Variants in AHI1 observed in about 807,000 individuals in gnomAD.
AHI1 encodes the protein Abelson helper integration site 1.
A neutral mutation model predicts 149.3 loss-of-function variants in AHI1; 123 were observed. The ratio of observed to expected loss-of-function variants is 0.82; its 90% CI spans 0.71 to 0.96. AHI1 has a LOEUF of 0.96. Ranked by LOEUF, AHI1 falls within the 40% of genes least tolerant of loss-of-function variation. The pLI is 0.00. For synonymous variants in AHI1, 475 were observed against 459.8 expected (o/e 1.03, Z -0.42); for missense variants, 1,439 against 1,422.7 (o/e 1.01, Z -0.18).
At chr6:135,302,742 T>C in intron 26 of AHI1, 1 of 1,284,912 alleles carries the variant, frequency 7.8e-7, no homozygotes, top group African/African-American at 1.5e-5. Context: ...CAGCACGTCA[T>C]ATAGGTAGTT....
chr6:135,295,980 G>A (rs972426896), intron 27 of AHI1, among the ~76,000 whole-genome samples: 1 of 152,128 alleles, frequency 6.6e-6, no homozygotes, highest in Admixed American at 6.5e-5. Flanking sequence ...AGCCTCCTGA[G>A]GAGCTGGGAT....
At chr6:135,316,356 G>A (rs1238355187) in intron 26 of AHI1, among the ~76,000 whole-genome samples, 1 of 152,046 alleles carries the variant, frequency 6.6e-6, no homozygotes, top group African/African-American at 2.4e-5. Flanking sequence ...ATTCTTCAAA[G>A]TGAAACTTTG....
chr6:135,300,519 C>T lies in AHI1; in HGVS notation c.3466G>A (p.Gly1156Ser). 1 of 1,608,878 alleles carries T rather than the reference C, an allele frequency of 6.2e-7. No individual in the cohort carries two copies. The highest frequency in any genetic ancestry group is 8.5e-7 in the Non-Finnish European group (1 of 1,177,596). Residue 1156 changes from glycine (G) to serine (S), a missense_variant, in exon 27 of 29, where the codon GGC becomes AGC. Coordinates refer to ENST00000265602, the MANE Select transcript of AHI1 (RefSeq NM_001134831.2). ...NKNKSQDFRL[G>S]SESMTHSEMR... ...GCTTACTGTGTCATAGATTCTGAGC[C>T]TAGTCTGAAGTCCTGGGACTTGTTC...
At chr6:135,378,994 C>T (rs1320116663) in intron 23 of AHI1, among the ~76,000 whole-genome samples, 1 of 152,152 alleles carries the variant, frequency 6.6e-6, no homozygotes. Context: ...TCAAATACCA[C>T]ACATATACCA....
chr6:135,494,677 C>T (rs1026339136), intron 3 of AHI1, among the ~76,000 whole-genome samples: 1 of 152,078 alleles, frequency 6.6e-6, no homozygotes, highest in Non-Finnish European at 1.5e-5. Flanking sequence ...GTTTGTTAGG[C>T]AATCTACTAA....
At chr6:135,410,112 T>C (rs1368577132) in intron 21 of AHI1, among the ~76,000 whole-genome samples, 1 of 152,072 alleles carries the variant, frequency 6.6e-6, no homozygotes, top group African/African-American at 2.4e-5. Flanking sequence ...GAAATCCCAA[T>C]ACTCTGGGAG....
intron 18 of AHI1, 73 bp downstream of exon 18, chr6:135,429,809 A>T: frequency 4.2e-6 from 4 of 957,964 alleles, no homozygotes; most frequent in Non-Finnish European, 6.2e-6. Context: ...ACCACTACCG[A>T]ATTTTATAAA....
chr6:135,342,802 A>C (rs966188357), intron 24 of AHI1, among the ~76,000 whole-genome samples: 2 of 151,572 alleles, frequency 1.3e-5, no homozygotes, highest in African/African-American at 4.8e-5. Context: ...TATAGGCTAC[A>C]CACACACACA....
rs1789172648 is a variant in AHI1, at chr6:135,457,554, G to A, written c.1091C>T (p.Pro364Leu). ...RLKSDFMISH[P>L]MVKIHVVDEH... The stretch of plus-strand genomic sequence containing the variant: ...ATCAACCACATGAATTTTTACCATT[G>A]GGTGAGAAATCATAAAATCTGACTT... The change falls in exon 9 of 29, where the codon CCA (proline) becomes CTA (leucine). Residue 364 changes from proline to leucine, a missense_variant. Physicochemically the swap from Pro to Leu is moderately conservative, Grantham distance 98. Transcript: ENST00000265602. 1.2e-6 allele frequency: 2 copies of A among 1,613,696 alleles called. No homozygotes were observed. Among genetic ancestry groups the A allele is most frequent in the Non-Finnish European group, 1.7e-6 (2 of 1,179,834 alleles).
intron 22 of AHI1, among the ~76,000 whole-genome samples, chr6:135,398,744 C>T (rs1779615018): frequency 6.6e-6 from 1 of 152,124 alleles, no homozygotes; most frequent in South Asian, 2.1e-4. Flanking sequence ...GTCTTGAACC[C>T]CTGAACTTCT....
chr6:135,486,733 CT>C (rs777251653), intron 5 of AHI1, among the ~76,000 whole-genome samples: 21 of 152,004 alleles, frequency 1.4e-4, no homozygotes, highest in Non-Finnish European at 7.4e-5. Flanking sequence ...ATGTGTGAAT[CT>C]TGCAAGTAAA....
chr6:135,341,817 T>C (rs1262411784), intron 24 of AHI1, among the ~76,000 whole-genome samples: 3 of 151,984 alleles, frequency 2.0e-5, no homozygotes, highest in Admixed American at 6.5e-5. Context: ...AAGCAGTAAT[T>C]TGATGAAATT....
At chr6:135,457,756 C>T in intron 8 of AHI1, 43 bp from the exon 9 acceptor site, 1 of 1,535,462 alleles carries the variant, frequency 6.5e-7, no homozygotes, top group Non-Finnish European at 9.0e-7. Context: ...ATTAGTTGTT[C>T]CCATAGTAGT....
intron 23 of AHI1, among the ~76,000 whole-genome samples, chr6:135,388,315 G>A (rs1042724095): frequency 1.3e-4 from 20 of 152,160 alleles, no homozygotes; most frequent in Middle Eastern, 3.2e-3. Flanking sequence ...CAATTCTGAC[G>A]AGATGAGAAA....
chr6:135,342,783 AAGGCTATATAT>A (rs1310490244), intron 24 of AHI1, among the ~76,000 whole-genome samples: 1 of 151,814 alleles, frequency 6.6e-6, no homozygotes. Context: ...ATAGCCTATA[AAGGCTATATAT>A]AGGCTACACA....
chr6:135,315,071 C>T (rs1785742518), intron 26 of AHI1, among the ~76,000 whole-genome samples: 1 of 152,154 alleles, frequency 6.6e-6, no homozygotes, highest in African/African-American at 2.4e-5. Context: ...GACCTTTGTT[C>T]TAACCTAAGA....
intron 26 of AHI1, among the ~76,000 whole-genome samples, chr6:135,313,131 C>A (rs141311322): frequency 1.3e-5 from 2 of 152,136 alleles, no homozygotes; most frequent in African/African-American, 4.8e-5. Flanking sequence ...TCAGAGTGCA[C>A]TCAAATCATT....
intron 23 of AHI1, among the ~76,000 whole-genome samples, chr6:135,390,074 C>T (rs969272089): frequency 1.3e-5 from 2 of 151,718 alleles, no homozygotes; most frequent in Admixed American, 6.6e-5. Context: ...ATCTTATGTG[C>T]GGCCCAAGAC....
intron 23 of AHI1, among the ~76,000 whole-genome samples, chr6:135,365,137 G>A (rs1488273569): frequency 1.3e-5 from 2 of 152,180 alleles, no homozygotes; most frequent in Non-Finnish European, 1.5e-5. Flanking sequence ...TGTTAAGTAT[G>A]TGGGTTTATT....
Sources: gnomAD v4.1 joint callset for allele counts (sites outside exome capture counted in the v4.1 genomes callset) on GRCh38, gnomAD v4.1.1 for gene constraint, MANE v1.5 for transcripts, NCBI Gene and HGNC (gene_info 2026-07-23, HGNC 2026-07-21) for gene names.